Variants in CLVS1 observed in about 807,000 individuals in gnomAD.
CLVS1 encodes clavesin 1, also known as clavesin-1.
Under a neutral mutation model 33.1 loss-of-function variants are expected in CLVS1, and 10 were observed. That is an observed-to-expected ratio of 0.30 (90% CI 0.19 to 0.51). The LOEUF (loss-of-function observed/expected upper bound fraction) is 0.51, where lower values mean the gene tolerates loss of function less well. Among genes scored for constraint, CLVS1 ranks in the 20% least tolerant of loss-of-function variants. The pLI, the probability that CLVS1 is intolerant of heterozygous loss-of-function variation, is 0.97. For missense variants in CLVS1, 343 were observed against 433.4 expected, an observed-to-expected ratio of 0.79 and a Z score of 1.85; for synonymous variants, 163 against 166.1, an observed-to-expected ratio of 0.98 and a Z score of 0.14.
upstream of CLVS1, among the ~76,000 whole-genome samples, chr8:61,054,410 A>G (rs1219830469): frequency 6.6e-5 from 10 of 152,228 alleles, no homozygotes; most frequent in Admixed American, 6.5e-4. Context: ...ACAGCCAAGC[A>G]GGGAACTGCT....
At chr8:61,285,027 G>C (rs972048789), upstream of CLVS1, among the ~76,000 whole-genome samples, 21 of 152,280 alleles carry the variant, frequency 1.4e-4, no homozygotes, top group African/African-American at 5.1e-4. Flanking sequence ...AAGTCAGATG[G>C]AAGTTGCGCC....
At chr8:61,455,883 A>T (rs189805919) in intron 4 of CLVS1, among the ~76,000 whole-genome samples, 90 of 152,250 alleles carry the variant, frequency 5.9e-4, no homozygotes, top group African/African-American at 2.1e-3. Flanking sequence ...TCCTTTAGAG[A>T]GCATTGCAAT....
chr8:61,485,557 A>T (rs1170095192), intron 5 of CLVS1, among the ~76,000 whole-genome samples: 1 of 152,244 alleles, frequency 6.6e-6, no homozygotes, highest in Non-Finnish European at 1.5e-5. Context: ...ATGATCTAGA[A>T]CTGGAAATAC....
chr8:61,451,812 C>CACACAG (rs375319471), intron 3 of CLVS1, among the ~76,000 whole-genome samples: 1 of 142,850 alleles, frequency 7.0e-6, no homozygotes, highest in African/African-American at 2.6e-5. Context: ...CACACACACA[C>CACACAG]AGAGAGAGAG....
At chr8:61,141,179 C>G (rs946831289) in intron 2 of CLVS1, among the ~76,000 whole-genome samples, 1 of 152,136 alleles carries the variant, frequency 6.6e-6, no homozygotes, top group South Asian at 2.1e-4. Context: ...CCTCTAGGTC[C>G]TCCATATTAA....
chr8:60,979,896 C>G, the CLVS1 span, among the ~76,000 whole-genome samples: 1 of 152,346 alleles, frequency 6.6e-6, no homozygotes, highest in East Asian at 1.9e-4. Context: ...GTGCACTTTA[C>G]TATAGGGATT....
chr8:61,137,586 G>T (rs1806213947), intron 2 of CLVS1, among the ~76,000 whole-genome samples: 2 of 152,128 alleles, frequency 1.3e-5, no homozygotes, highest in Non-Finnish European at 2.9e-5. Flanking sequence ...CAAGTGCCGA[G>T]CGTCTTCATG....
At chr8:61,259,163 C>T (rs759292541) in intron 2 of CLVS1, among the ~76,000 whole-genome samples, 11 of 152,240 alleles carry the variant, frequency 7.2e-5, no homozygotes, top group South Asian at 4.1e-4. Context: ...GTAACTCCAG[C>T]GAGCACATCT....
chr8:61,378,077 G>A (rs1813718728), intron 3 of CLVS1: 1 of 152,246 alleles, frequency 6.6e-6, no homozygotes, highest in African/African-American at 2.4e-5. Context: ...TCTCTTTAAA[G>A]CTTTTATCAA....
At chr8:61,433,846 G>A (rs552339241) in intron 3 of CLVS1, among the ~76,000 whole-genome samples, 251 of 152,152 alleles carry the variant, frequency 1.6e-3, no homozygotes, top group Non-Finnish European at 2.6e-3. Context: ...CCCAGGAAGT[G>A]GAGGTTGCAG....
chr8:61,369,320 TC>T (rs1383253526), intron 2 of CLVS1, among the ~76,000 whole-genome samples: 1 of 152,240 alleles, frequency 6.6e-6, no homozygotes, highest in East Asian at 1.9e-4. Context: ...CAATTTTTTT[TC>T]TTTCTCCTTG....
chr8:61,027,989 A>T, the CLVS1 span, among the ~76,000 whole-genome samples: 1 of 152,096 alleles, frequency 6.6e-6, no homozygotes, highest in African/African-American at 2.4e-5. Context: ...AATAGAAAAG[A>T]TCCCGATGTT....
At chr8:60,983,541 C>T in the CLVS1 span, among the ~76,000 whole-genome samples, 2 of 152,154 alleles carry the variant, frequency 1.3e-5, no homozygotes, top group African/African-American at 4.8e-5. Flanking sequence ...TAGACACTAA[C>T]CAGCAAGGAA....
chr8:61,388,688 T>A (rs1299126751), intron 3 of CLVS1, among the ~76,000 whole-genome samples: 1 of 152,168 alleles, frequency 6.6e-6, no homozygotes, highest in African/African-American at 2.4e-5. Context: ...TACATAGTGA[T>A]GTCTCAATCC....
At chr8:61,180,703 G>T (rs187842972) in intron 2 of CLVS1, among the ~76,000 whole-genome samples, 3 of 152,094 alleles carry the variant, frequency 2.0e-5, no homozygotes, top group Non-Finnish European at 4.4e-5. Context: ...ATCAATAAAC[G>T]TAATCCATCA....
intron 2 of CLVS1, among the ~76,000 whole-genome samples, chr8:61,162,366 G>A (rs1806770324): frequency 6.6e-6 from 1 of 152,192 alleles, no homozygotes; most frequent in Non-Finnish European, 1.5e-5. Context: ...AACCTTCAGG[G>A]AGTGAGGGAA....
At chr8:61,081,628 A>C (rs1213069973) in intron 1 of CLVS1, among the ~76,000 whole-genome samples, 1 of 152,216 alleles carries the variant, frequency 6.6e-6, no homozygotes, top group Non-Finnish European at 1.5e-5. Flanking sequence ...ATGATGTTAT[A>C]AACAGAATAA....
intron 2 of CLVS1, among the ~76,000 whole-genome samples, chr8:61,356,176 A>T (rs1245949471): frequency 3.3e-5 from 5 of 151,604 alleles, no homozygotes; most frequent in African/African-American, 1.2e-4. Context: ...GATGATGAGC[A>T]TTTTTTCATG....
chr8:61,288,240 T>G, intron 1 of CLVS1, 102 bp downstream of exon 1: 2 of 456,388 alleles, frequency 4.4e-6, no homozygotes, highest in Non-Finnish European at 8.8e-6. Context: ...CTTCGGTATG[T>G]GGACAGCTCC....
Sources: gnomAD v4.1 joint callset for allele counts (sites outside exome capture counted in the v4.1 genomes callset) on GRCh38, gnomAD v4.1.1 for gene constraint, MANE v1.5 for transcripts, NCBI Gene and HGNC (gene_info 2026-07-23, HGNC 2026-07-21) for gene names.